The following GCNT2 variants were observed in gnomAD, a reference collection of about 807,000 sequenced individuals.
GCNT2 encodes the protein glucosaminyl (N-acetyl) transferase 2 (I blood group), also known as N-acetyllactosaminide beta-1,6-N-acetylglucosaminyl-transferase.
GCNT2 carries 34 observed loss-of-function variants against 34.2 expected under a neutral mutation model. That is an observed-to-expected ratio of 1.00 (90% CI 0.76 to 1.32). GCNT2 has a LOEUF of 1.32. Among genes scored for constraint, GCNT2 ranks in the 40% most tolerant of loss-of-function variants. The pLI, the probability that GCNT2 is intolerant of heterozygous loss-of-function variation, is 0.00. For missense variants in GCNT2, 584 were observed against 489.4 expected (o/e 1.19, Z -1.82); for synonymous variants, 212 against 188.0 (o/e 1.13, Z -1.04).
rs181194146 is a variant in GCNT2 at position 10,572,794 on chromosome 6, A to G, written c.925+42958A>G. ...ATAGATGGCTAAATATAAAATGTGA[A>G]CTTAAAACTACGTTACCCAGTGAGA... On this transcript the variant is annotated intron_variant, in intron 3 of 4. Transcript: ENST00000495262. Among the ~76,000 whole-genome samples, 645 of 152,328 alleles carry G rather than the reference A, an allele frequency of 4.2e-3. 6 individuals carry two copies. The highest frequency in any genetic ancestry group is 0.015 in the African/African-American group (624 of 41,574).
chr6:10,525,691 A>G (rs183727297), intron 1 of GCNT2, among the ~76,000 whole-genome samples: 1 of 152,362 alleles, frequency 6.6e-6, no homozygotes, highest in African/African-American at 2.4e-5. Flanking sequence ...TTACAGAATC[A>G]TAAATATTCC....
chr6:10,582,008 G>C, intron 3 of GCNT2: 1 of 217,558 alleles, frequency 4.6e-6, no homozygotes, highest in Non-Finnish European at 7.5e-6. Context: ...ATATATTTAT[G>C]TGTATATATG....
Position 10,528,861 on chromosome 6 carries a change from A to ACTCT in GCNT2, c.-50_-47dup. ...GAAAATGTAAGTTAAATATATCTAC[A>ACTCT]CTCTGATCCTATCTCAAGAGAGAGA... On this transcript the variant is annotated 5_prime_UTR_variant, in exon 3 of 5. Coordinates refer to ENST00000495262, the MANE Select transcript of GCNT2 (RefSeq NM_145649.5). The ACTCT allele has an allele frequency of 7.2e-7, 1 of 1,379,638 alleles. No homozygotes were observed. The highest frequency in any genetic ancestry group is 1.0e-6 in the Non-Finnish European group (1 of 967,734). 85.5% of individuals were successfully genotyped at this position (1,379,638 alleles called of 1,614,324 possible).
At position 10,528,876 on chromosome 6, in the gene GCNT2, CAA is replaced by C. The variant is rs753304019; in HGVS notation, c.-35_-34del. On this transcript the variant is annotated 5_prime_UTR_variant, in exon 3 of 5. Coordinates refer to ENST00000495262, the MANE Select transcript of GCNT2 (RefSeq NM_145649.5). ...ATATATCTACACTCTGATCCTATCTCAAGAGAGAGATATTTTACTCATTTCCT... is the reference window on the plus strand; with the variant it reads ...ATATATCTACACTCTGATCCTATCTCGAGAGAGATATTTTACTCATTTCCT... 2.6e-5 allele frequency: 39 copies of C among 1,497,740 alleles called. No homozygotes were observed. The highest frequency in any genetic ancestry group is 5.0e-5 in the Admixed American group (3 of 59,892). The allele number at this position is 1,497,740 out of a possible 1,614,324, so 92.8% of individuals were successfully genotyped here.
chr6:10,626,542 C>G lies in GCNT2; in HGVS notation c.1144C>G (p.Leu382Val). ...TYPLTVECLE[L>V]RHRERTLNQS... ...CCCCCTTACTGTGGAATGCCTAGAA[C>G]TGAGGCATCGCGAAAGAACCCTCAA... Residue 382 changes from leucine to valine, a missense_variant, in exon 5 of 5, where the codon CTG becomes GTG. Physicochemically the swap from Leu to Val is conservative, Grantham distance 32. Transcript: ENST00000495262. The G allele has an allele frequency of 6.2e-7, 1 of 1,613,290 alleles. No individual in the cohort carries two copies. The highest frequency in any genetic ancestry group is 1.1e-5 in the South Asian group (1 of 91,064).
At chr6:10,538,437 AATATATAT>A (rs1554127248) in intron 3 of GCNT2, among the ~76,000 whole-genome samples, 2 of 73,356 alleles carry the variant, frequency 2.7e-5, no homozygotes, top group Non-Finnish European at 4.3e-5. Context: ...AAAAAAAAAA[AATATATAT>A]ATATATATAT....
chr6:10,580,780 AT>A lies in GCNT2; in HGVS notation c.926-40569del, dbSNP rs531855344. On this transcript the variant is annotated intron_variant, in intron 3 of 4. Transcript: ENST00000495262. ...GCAGTGGAAGCAGAGCTCGTGGAAG[AT>A]TAATGAGAACTAACTCATTGTGAGG... Among the ~76,000 whole-genome samples the A allele has an allele frequency of 7.2e-3, 1,097 of 152,302 alleles. 10 individuals carry two copies. Among genetic ancestry groups the A allele is most frequent in the Non-Finnish European group, 0.013 (865 of 68,028 alleles).
intron 3 of GCNT2, among the ~76,000 whole-genome samples, chr6:10,560,182 G>T (rs560778465): frequency 5.9e-5 from 9 of 152,134 alleles, no homozygotes; most frequent in African/African-American, 1.9e-4. Flanking sequence ...TCTGCCTCCC[G>T]GGCTCAAGTG....
At chr6:10,542,443 C>A (rs1412701339) in intron 3 of GCNT2, among the ~76,000 whole-genome samples, 1 of 152,158 alleles carries the variant, frequency 6.6e-6, no homozygotes, top group Non-Finnish European at 1.5e-5. Context: ...TTTTTAGTGC[C>A]TTTACAGTTA....
chr6:10,539,056 T>G (rs1226013), intron 3 of GCNT2, among the ~76,000 whole-genome samples: 86,294 of 151,774 alleles, frequency 0.57, 24,673 homozygotes, highest in South Asian at 0.72. Flanking sequence ...TGGTGAATGG[T>G]TTGGAAAAAT....
chr6:10,528,094 A>G (rs2113499715), intron 2 of GCNT2, among the ~76,000 whole-genome samples: 1 of 152,328 alleles, frequency 6.6e-6, no homozygotes, highest in East Asian at 1.9e-4. Flanking sequence ...GTTTTAAAAA[A>G]AGAAGTTAGC....
intron 1 of GCNT2, among the ~76,000 whole-genome samples, chr6:10,524,411 C>T (rs1055117500): frequency 5.3e-5 from 8 of 151,990 alleles, no homozygotes; most frequent in Non-Finnish European, 7.4e-5. Context: ...CGCCACCACG[C>T]CCGGCTAATT....
chr6:10,555,293 T>C (rs1762645232), intron 3 of GCNT2, among the ~76,000 whole-genome samples: 1 of 152,100 alleles, frequency 6.6e-6, no homozygotes, highest in South Asian at 2.1e-4. Flanking sequence ...GGTGGGAAAG[T>C]GGAAAGTTGA....
intron 3 of GCNT2, among the ~76,000 whole-genome samples, chr6:10,618,460 T>A (rs1426052145): frequency 6.6e-6 from 1 of 152,236 alleles, no homozygotes; most frequent in Non-Finnish European, 1.5e-5. Context: ...TTTGGGATTA[T>A]CAGTATTAAA....
At chr6:10,614,304 G>C (rs1765673701) in intron 3 of GCNT2, among the ~76,000 whole-genome samples, 1 of 152,120 alleles carries the variant, frequency 6.6e-6, no homozygotes, top group South Asian at 2.1e-4. Context: ...TTATTGAAGG[G>C]CAAATTGAAA....
intron 4 of GCNT2, among the ~76,000 whole-genome samples, chr6:10,623,100 A>G (rs1347934852): frequency 6.6e-6 from 1 of 151,680 alleles, no homozygotes; most frequent in Non-Finnish European, 1.5e-5. Context: ...GAAAATCTCC[A>G]AGTTGCTCCA....
At chr6:10,596,474 TTG>T in intron 3 of GCNT2, among the ~76,000 whole-genome samples, 1 of 151,986 alleles carries the variant, frequency 6.6e-6, no homozygotes, top group Non-Finnish European at 1.5e-5. Context: ...TGAGCTGAGA[TTG>T]CGCCACTGCA....
At chr6:10,564,819 C>T (rs1169810109) in intron 3 of GCNT2, among the ~76,000 whole-genome samples, 4 of 152,150 alleles carry the variant, frequency 2.6e-5, no homozygotes, top group Non-Finnish European at 4.4e-5. Flanking sequence ...CAACCAGACA[C>T]TTTGCTGGGT....
Position 10,529,619 on chromosome 6 carries a change from G to A in GCNT2, c.708G>A (p.Leu236=). The A allele has an allele frequency of 6.2e-7, 1 of 1,614,098 alleles. No individual in the cohort carries two copies. Among genetic ancestry groups the A allele is most frequent in the Non-Finnish European group, 8.5e-7 (1 of 1,179,974 alleles). ...VGRTKYVHQE[L]LNHKNSYVIK... is the part of the protein sequence containing the mutation. Reference sequence around the variant, plus strand: ...GGACTAAATACGTCCACCAAGAACTGTTAAACCACAAAAATTCCTACGTGA... The same window carrying A: ...GGACTAAATACGTCCACCAAGAACTATTAAACCACAAAAATTCCTACGTGA... Residue 236 remains leucine, a synonymous_variant, in exon 3 of 5, where the codon CTG becomes CTA. Transcript: ENST00000495262.
Sources: gnomAD v4.1 joint callset for allele counts (sites outside exome capture counted in the v4.1 genomes callset) on GRCh38, gnomAD v4.1.1 for gene constraint, MANE v1.5 for transcripts, NCBI Gene and HGNC (gene_info 2026-07-23, HGNC 2026-07-21) for gene names.